The following MRPS15 variants were observed in gnomAD, a reference collection of about 807,000 sequenced individuals.
MRPS15 encodes small ribosomal subunit protein uS15m.
A neutral mutation model predicts 30.7 loss-of-function variants in MRPS15; 25 were observed. The ratio of observed to expected loss-of-function variants is 0.81; its 90% CI spans 0.59 to 1.14. MRPS15 has a LOEUF of 1.14. Ranked by LOEUF, MRPS15 falls within the 50% of genes most tolerant of loss-of-function variation. The pLI is 0.00. For synonymous variants in MRPS15, 124 were observed against 120.1 expected (o/e 1.03, Z -0.21); for missense variants, 313 against 321.7 (o/e 0.97, Z 0.21).
chr1:36,460,846 A>C, intron 4 of MRPS15, 70 bp from the exon 5 acceptor site: 8 of 1,247,922 alleles, frequency 6.4e-6, no homozygotes, highest in African/African-American at 1.5e-5. Flanking sequence ...TCCTCCCCCC[A>C]AGGGCCCTGG....
intron 5 of MRPS15, among the ~76,000 whole-genome samples, chr1:36,460,354 T>C (rs1424598280): frequency 3.3e-5 from 5 of 152,192 alleles, no homozygotes; most frequent in Non-Finnish European, 7.3e-5. Context: ...TTCCAAGGTG[T>C]GTTTACATCC....
At position 36,456,227 on chromosome 1, in the gene MRPS15, G is replaced by A. The variant is rs975805063; in HGVS notation, c.596C>T (p.Ala199Val). Reference protein sequence around the residue: ...YTFPPLYYRRAHRRFVTKKAL... With the variant: ...YTFPPLYYRRVHRRFVTKKAL... ...CTTCTTGGTCACGAATCGGCGGTGGGCTCTTCGGTAATACAGAGGGGGGAA... is the reference window on the plus strand; with the variant it reads ...CTTCTTGGTCACGAATCGGCGGTGGACTCTTCGGTAATACAGAGGGGGGAA... The change falls in exon 7 of 8, where the codon GCC (alanine) becomes GTC (valine). Residue 199 changes from alanine to valine, a missense_variant. Ala to Val is a moderately conservative substitution (Grantham distance 64, BLOSUM62 0). Transcript: ENST00000373116. The A allele has an allele frequency of 1.9e-6, 3 of 1,613,362 alleles. No homozygotes were observed. Among genetic ancestry groups the A allele is most frequent in the Non-Finnish European group, 2.5e-6 (3 of 1,179,762 alleles).
chr1:36,457,092 C>T (rs963091557), intron 6 of MRPS15, among the ~76,000 whole-genome samples: 7 of 152,104 alleles, frequency 4.6e-5, no homozygotes, highest in South Asian at 2.1e-4. Context: ...CTGGCTAACA[C>T]GGTGAAACCC....
chr1:36,461,282 A>C lies in MRPS15; in HGVS notation c.282T>G (p.Ser94=). 6.2e-7 allele frequency: 1 copy of C among 1,614,232 alleles called. No individual in the cohort carries two copies. The highest frequency in any genetic ancestry group is 1.6e-4 in the Middle Eastern group (1 of 6,062). ...TGCTCACCTTGTTGGCCATTTCCAA[A>C]GACAAGAGTCTTTTCACGACATCAT... is the stretch of plus-strand genomic sequence containing the variant. ...KVDDVVKRLL[S]LEMANKKEML... Residue 94 remains serine (S), a synonymous_variant, in exon 4 of 8, where the codon TCT becomes TCG. Coordinates refer to ENST00000373116, the MANE Select transcript of MRPS15 (RefSeq NM_031280.4).
rs1650110399 is a variant in MRPS15 at position 36,462,111 on chromosome 1, G to GT, written c.227dup (p.Tyr76Ter). 1 of 1,612,946 alleles carries GT rather than the reference G, an allele frequency of 6.2e-7. No homozygotes were observed. The part of the protein sequence containing the change: ...DPPPSTLLKD[Y>*]QNVPGIEKVD... Reference sequence around the variant, plus strand: ...ACTTCTCAATTCCAGGGACATTCTGGTAGTCTTTGAGCAGCGTAGAGGGAG... The same window carrying GT: ...ACTTCTCAATTCCAGGGACATTCTGGTTAGTCTTTGAGCAGCGTAGAGGGAG... The change falls in exon 3 of 8, where the codon TAC (tyrosine) becomes TAAC (stop). Residue 76 changes from tyrosine (Y) to a stop codon, truncating the protein, a stop_gained and frameshift_variant. Coordinates refer to ENST00000373116, the MANE Select transcript of MRPS15 (RefSeq NM_031280.4). LOFTEE classifies it high-confidence loss of function.
intron 3 of MRPS15, among the ~76,000 whole-genome samples, chr1:36,461,742 A>G (rs949648872): frequency 1.3e-5 from 2 of 152,174 alleles, no homozygotes; most frequent in African/African-American, 4.8e-5. Context: ...GAACTGTATG[A>G]CACTGGACAG....
intron 6 of MRPS15, 159 bp from the exon 7 acceptor site, chr1:36,456,537 T>C: frequency 1.4e-6 from 1 of 717,534 alleles, no homozygotes; most frequent in Non-Finnish European, 2.2e-6. Flanking sequence ...ATTCCCATTT[T>C]ACAGATGAGA....
intron 1 of MRPS15, 60 bp downstream of exon 1, chr1:36,464,086 T>A: frequency 7.4e-7 from 1 of 1,359,910 alleles, no homozygotes; most frequent in African/African-American, 1.6e-5. Context: ...GCTTCCTTAT[T>A]CCCTATCTTC....
At chr1:36,463,111 C>T (rs954508897) in intron 2 of MRPS15, among the ~76,000 whole-genome samples, 22 of 151,900 alleles carry the variant, frequency 1.4e-4, no homozygotes, top group African/African-American at 4.8e-4. Context: ...TACAGGCGCG[C>T]GCTACCACAC....
chr1:36,460,831 A>G, intron 4 of MRPS15, 55 bp from the exon 5 acceptor site: 1 of 1,457,986 alleles, frequency 6.9e-7, no homozygotes, highest in Non-Finnish European at 9.6e-7. Flanking sequence ...TCTAAGAACT[A>G]GCCCTCCTCC....
chr1:36,464,209 G>A lies in MRPS15; in HGVS notation c.67C>T (p.Pro23Ser). 1 of 1,614,072 alleles carries A rather than the reference G, an allele frequency of 6.2e-7. No individual in the cohort carries two copies. The part of the protein sequence containing the change: ...RTRAVTQVLV[P>S]GLPGGGSAKF... Reference sequence around the variant, plus strand: ...GCGCTCCCACCGCCCGGCAGCCCGGGTACTAGGACCTGGGTAACTGCCCGG... The same window carrying A: ...GCGCTCCCACCGCCCGGCAGCCCGGATACTAGGACCTGGGTAACTGCCCGG... The change falls in exon 1 of 8, where the codon CCC becomes TCC. Residue 23 changes from proline (P) to serine (S), a missense_variant. Pro to Ser is a moderately conservative substitution (Grantham distance 74). Coordinates refer to ENST00000373116, the MANE Select transcript of MRPS15 (RefSeq NM_031280.4).
intron 2 of MRPS15, among the ~76,000 whole-genome samples, chr1:36,462,796 A>G (rs1309346406): frequency 6.6e-6 from 1 of 152,232 alleles, no homozygotes; most frequent in Non-Finnish European, 1.5e-5. Flanking sequence ...AGGGAGGCAG[A>G]AAAGAATTAT....
At chr1:36,464,044 TC>T in intron 1 of MRPS15, 101 bp downstream of exon 1, 2 of 1,546,258 alleles carry the variant, frequency 1.3e-6, no homozygotes, top group Non-Finnish European at 1.8e-6. Flanking sequence ...TTCCCCCTTA[TC>T]CTGACCGCTG....
In MRPS15 at chr1:36,461,231, G is replaced by A. The variant is rs769553634; in HGVS notation, c.300+33C>T. The A allele has an allele frequency of 6.2e-6, 10 of 1,611,964 alleles. No individual in the cohort carries two copies. In the South Asian group the frequency reaches 9.9e-5, roughly 16 times the overall value. On this transcript the variant is annotated intron_variant, in intron 4 of 7. Transcript: ENST00000373116. ...GAAGGGAGTCCCAGAGGAGAAGACT[G>A]CGGGAGGCTGAGGCTTGGCAGAGGC...
Position 36,464,126 on chromosome 1 carries a change from C to A in MRPS15, c.130+20G>T. 6.2e-7 allele frequency: 1 copy of A among 1,609,912 alleles called. No individual in the cohort carries two copies. Among genetic ancestry groups the A allele is most frequent in the African/African-American group, 1.3e-5 (1 of 74,808 alleles). On this transcript the variant is annotated intron_variant, in intron 1 of 7. Coordinates refer to ENST00000373116, the MANE Select transcript of MRPS15 (RefSeq NM_031280.4). ...AACCCTGTTTCCCTACGCCCGCCGT[C>A]CCATTTCTCAGCTCCTCACTTCGAG...
intron 1 of MRPS15, 140 bp from the exon 2 acceptor site, chr1:36,463,990 T>A: frequency 6.7e-7 from 1 of 1,501,420 alleles, no homozygotes; most frequent in Non-Finnish European, 9.0e-7. Flanking sequence ...TCCCTACCCC[T>A]TGTCTCTCAC....
Position 36,464,252 on chromosome 1 carries a change from C to T in MRPS15, c.24G>A (p.Thr8=), listed in dbSNP as rs767226577. The part of the protein sequence containing the change: MLRVAWR[T]LSLIRTRAVT... ...CTGCCCGGGTCCGAATCAAACTCAG[C>T]GTCCTCCACGCGACCCTCAGCATGG... The change falls in exon 1 of 8, where the codon ACG becomes ACA. Residue 8 remains threonine (T), a synonymous_variant. Coordinates refer to ENST00000373116, the MANE Select transcript of MRPS15 (RefSeq NM_031280.4). 1.1e-5 allele frequency: 18 copies of T among 1,613,780 alleles called. No homozygotes were observed. The highest frequency in any genetic ancestry group is 1.3e-5 in the Non-Finnish European group (15 of 1,179,916).
chr1:36,463,736 G>T, intron 2 of MRPS15, 70 bp downstream of exon 2: 10 of 1,546,400 alleles, frequency 6.5e-6, no homozygotes, highest in Non-Finnish European at 8.7e-6. Flanking sequence ...CGCCACATCG[G>T]TCCCCTTACC....
chr1:36,456,419 T>TA (rs1390230900), intron 6 of MRPS15, 41 bp from the exon 7 acceptor site: 1 of 1,502,158 alleles, frequency 6.7e-7, no homozygotes, highest in Non-Finnish European at 8.9e-7. Flanking sequence ...ATATAAGTGT[T>TA]ACTGTTGTTC....
Sources: allele counts gnomAD v4.1 joint callset (sites outside exome capture counted in the v4.1 genomes callset), GRCh38; gene constraint gnomAD v4.1.1; transcripts MANE v1.5; gene names NCBI Gene and HGNC (gene_info 2026-07-23, HGNC 2026-07-21).